Variants in COLEC11 observed in about 807,000 individuals in gnomAD.
COLEC11 encodes collectin-11.
COLEC11 carries 20 observed loss-of-function variants against 27.3 expected under a neutral mutation model. The ratio of observed to expected loss-of-function variants is 0.73; its 90% CI spans 0.51 to 1.06. The LOEUF (loss-of-function observed/expected upper bound fraction) is 1.06, where lower values mean the gene tolerates loss of function less well. Among genes scored for constraint, COLEC11 ranks in the 50% least tolerant of loss-of-function variants. The pLI is 0.00. For synonymous variants in COLEC11, 163 were observed against 154.7 expected, an observed-to-expected ratio of 1.05 and a Z score of -0.40; for missense variants, 310 against 383.0, an observed-to-expected ratio of 0.81 and a Z score of 1.59.
rs1376499333 is a variant in COLEC11, at chr2:3,643,863, C to G, written c.561C>G (p.Gly187=). The G allele has an allele frequency of 6.2e-7, 1 of 1,613,754 alleles. No homozygotes were observed. Among genetic ancestry groups the G allele is most frequent in the South Asian group, 1.1e-5 (1 of 91,086 alleles). The change falls in exon 7 of 7, where the codon GGC becomes GGG. Residue 187 remains glycine, a synonymous_variant. Coordinates refer to ENST00000349077, the MANE Select transcript of COLEC11 (RefSeq NM_024027.5). Reference sequence around the variant, plus strand: ...TGCCCAAGGACGAGGCTGCCAATGGCCTGATGGCCGCATACCTGGCGCAAG... The same window carrying G: ...TGCCCAAGGACGAGGCTGCCAATGGGCTGATGGCCGCATACCTGGCGCAAG... ...LSMPKDEAAN[G]LMAAYLAQAG... is the part of the protein sequence containing the mutation.
intron 2 of COLEC11, among the ~76,000 whole-genome samples, chr2:3,610,975 A>G (rs115429045): frequency 0.024 from 3,688 of 151,962 alleles, 156 homozygotes; most frequent in African/African-American, 0.082. Flanking sequence ...GTGTTCTGTG[A>G]TGTTGCTCTG....
In COLEC11 at chr2:3,605,542, A is replaced by G. The variant is rs112513708; in HGVS notation, c.130+1072A>G. On this transcript the variant is annotated intron_variant, in intron 2 of 6. Coordinates refer to ENST00000349077, the MANE Select transcript of COLEC11 (RefSeq NM_024027.5). ...GCGGGGGAGGGGAGTCACGTGGTTG[A>G]TGAGGGGGAGGGGAGTCACGTGGGT... is the stretch of plus-strand genomic sequence containing the variant. Among the ~76,000 whole-genome samples the G allele has an allele frequency of 5.7e-3, 14 of 2,446 alleles. 1 individual carries two copies. The highest frequency in any genetic ancestry group is 0.016 in the African/African-American group (11 of 702). The allele number at this position is 2,446 out of a possible 152,430, so 1.6% of individuals were successfully genotyped here.
chr2:3,637,884 T>C (rs1171706979), intron 4 of COLEC11, among the ~76,000 whole-genome samples: 1 of 152,228 alleles, frequency 6.6e-6, no homozygotes, highest in East Asian at 1.9e-4. Context: ...TGGGCAAGAC[T>C]CTGGCTGTGT....
chr2:3,604,179 A>C, intron 1 of COLEC11, 136 bp from the exon 2 acceptor site: 1 of 891,750 alleles, frequency 1.1e-6, no homozygotes, highest in Admixed American at 1.9e-5. Flanking sequence ...GTGAGTGAGG[A>C]GCACCCGCCA....
chr2:3,607,729 G>T (rs1228193983), intron 2 of COLEC11, among the ~76,000 whole-genome samples: 2 of 152,178 alleles, frequency 1.3e-5, no homozygotes, highest in East Asian at 3.8e-4. Context: ...GATTACAGGT[G>T]TGAGCCAACA....
intron 1 of COLEC11, among the ~76,000 whole-genome samples, chr2:3,596,815 C>T (rs530140120): frequency 7.9e-5 from 12 of 152,294 alleles, no homozygotes; most frequent in South Asian, 2.1e-4. Context: ...GTGGCTTCTC[C>T]GTTTACAAAA....
intron 1 of COLEC11, among the ~76,000 whole-genome samples, chr2:3,598,516 CT>C (rs1421762424): frequency 6.6e-6 from 1 of 152,270 alleles, no homozygotes; most frequent in Non-Finnish European, 1.5e-5. Flanking sequence ...GAAGCTGTAG[CT>C]TGCACAGATC....
intron 1 of COLEC11, among the ~76,000 whole-genome samples, chr2:3,600,287 G>A (rs1339883436): frequency 6.6e-6 from 1 of 151,780 alleles, no homozygotes; most frequent in Non-Finnish European, 1.5e-5. Context: ...GGGCACAGTG[G>A]CTCACACCTG....
chr2:3,610,141 T>C (rs13031176), intron 2 of COLEC11, among the ~76,000 whole-genome samples: 104,401 of 151,986 alleles, frequency 0.69, 36,351 homozygotes, highest in South Asian at 0.89. Flanking sequence ...GAGCAAGGTG[T>C]GGTAAAGACA....
At chr2:3,605,227 G>C (rs889753393) in intron 2 of COLEC11, 5 of 409,816 alleles carry the variant, frequency 1.2e-5, no homozygotes, top group Admixed American at 2.9e-5. Flanking sequence ...TGCCAGTGTC[G>C]GGTGGCAGGG....
chr2:3,638,609 T>TC (rs1193705851), intron 4 of COLEC11, among the ~76,000 whole-genome samples: 5 of 151,954 alleles, frequency 3.3e-5, no homozygotes, highest in Non-Finnish European at 7.4e-5. Flanking sequence ...GTCACAGACC[T>TC]CCCCCTAGCC....
chr2:3,613,532 C>T (rs1216285278), intron 3 of COLEC11, 150 bp downstream of exon 3: 35 of 762,222 alleles, frequency 4.6e-5, no homozygotes, highest in East Asian at 8.1e-5. Context: ...GGACTTGGGT[C>T]GGGAGCAGGG....
intron 3 of COLEC11, among the ~76,000 whole-genome samples, chr2:3,614,822 T>C (rs567022562): frequency 6.6e-6 from 1 of 152,336 alleles, no homozygotes; most frequent in East Asian, 1.9e-4. Context: ...CTTTGAAATT[T>C]CAGAACACAA....
At chr2:3,610,517 C>T (rs540361372) in intron 2 of COLEC11, among the ~76,000 whole-genome samples, 33 of 152,300 alleles carry the variant, frequency 2.2e-4, no homozygotes, top group African/African-American at 7.7e-4. Context: ...AACATTCTTC[C>T]GCCCTCATCT....
intron 1 of COLEC11, chr2:3,603,327 A>AT (rs920255070): frequency 7.9e-4 from 152 of 192,920 alleles, no homozygotes; most frequent in African/African-American, 1.6e-3. Flanking sequence ...ATTATATTTT[A>AT]TTTTTTTTTG....
intron 3 of COLEC11, among the ~76,000 whole-genome samples, chr2:3,630,224 A>G (rs1572452460): frequency 6.6e-6 from 1 of 152,200 alleles, no homozygotes; most frequent in Non-Finnish European, 1.5e-5. Context: ...ATGTATGTGT[A>G]TGCATATCAG....
intron 3 of COLEC11, among the ~76,000 whole-genome samples, chr2:3,620,674 TA>T (rs1664122991): frequency 6.6e-6 from 1 of 152,244 alleles, no homozygotes; most frequent in Non-Finnish European, 1.5e-5. Context: ...TCCATGTAGG[TA>T]TTTATTGTTA....
intron 3 of COLEC11, among the ~76,000 whole-genome samples, chr2:3,636,897 C>G (rs1326439387): frequency 6.6e-6 from 1 of 152,142 alleles, no homozygotes; most frequent in Non-Finnish European, 1.5e-5. Flanking sequence ...GTGGGGGACA[C>G]ACACCACCCC....
intron 3 of COLEC11, among the ~76,000 whole-genome samples, chr2:3,625,624 A>ATTTTT (rs1572441099): frequency 5.1e-5 from 2 of 39,060 alleles, no homozygotes; most frequent in Admixed American, 2.4e-4. Context: ...CTTCTTTTTT[A>ATTTTT]CTTTTTTTTT....
Sources: allele counts gnomAD v4.1 joint callset (sites outside exome capture counted in the v4.1 genomes callset), GRCh38; gene constraint gnomAD v4.1.1; transcripts MANE v1.5; gene names NCBI Gene and HGNC (gene_info 2026-07-23, HGNC 2026-07-21).